The following RNLS variants were observed in gnomAD, a reference collection of about 807,000 sequenced individuals.
RNLS encodes renalase.
A neutral mutation model predicts 39.8 loss-of-function variants in RNLS; 39 were observed. The ratio of observed to expected loss-of-function variants is 0.98; its 90% confidence interval spans 0.76 to 1.28. The LOEUF (loss-of-function observed/expected upper bound fraction) is 1.28. RNLS is among the 50% of genes most tolerant of loss of function. The pLI is 0.00. For missense variants in RNLS, 410 were observed against 413.3 expected, an observed-to-expected ratio of 0.99 and a Z score of 0.07; for synonymous variants, 147 against 150.7, an observed-to-expected ratio of 0.98 and a Z score of 0.18.
chr10:88,561,337 G>A (rs1207480115), intron 4 of RNLS, among the ~76,000 whole-genome samples: 2 of 152,116 alleles, frequency 1.3e-5, no homozygotes. Flanking sequence ...TGAAAACAAT[G>A]ACGATATTGC....
chr10:88,473,981 G>T (rs191955926), intron 4 of RNLS, among the ~76,000 whole-genome samples: 1 of 152,100 alleles, frequency 6.6e-6, no homozygotes, highest in East Asian at 1.9e-4. Context: ...CAATGTTGAT[G>T]GTTTCTTTCA....
the RNLS span, among the ~76,000 whole-genome samples, chr10:88,265,354 A>G: frequency 8.7e-5 from 5 of 57,240 alleles, no homozygotes; most frequent in South Asian, 1.4e-3. Flanking sequence ...TTTTGGTTCC[A>G]TATGAATTTT....
At chr10:88,283,927 T>A (rs548622194), downstream of RNLS, among the ~76,000 whole-genome samples, 27 of 152,236 alleles carry the variant, frequency 1.8e-4, no homozygotes, top group South Asian at 5.6e-3. Context: ...TTTACCTATA[T>A]AACAAACCTG....
chr10:88,175,669 C>A, the RNLS span, among the ~76,000 whole-genome samples: 1 of 152,136 alleles, frequency 6.6e-6, no homozygotes, highest in Non-Finnish European at 1.5e-5. Flanking sequence ...ATCATATGAT[C>A]TATCCTGGAG....
intron 4 of RNLS, among the ~76,000 whole-genome samples, chr10:88,559,815 A>G (rs964581064): frequency 3.9e-5 from 6 of 152,144 alleles, no homozygotes; most frequent in African/African-American, 1.4e-4. Flanking sequence ...ACATTGCACA[A>G]TGGATTAAAC....
At chr10:88,211,706 A>G in the RNLS span, among the ~76,000 whole-genome samples, 1 of 152,298 alleles carries the variant, frequency 6.6e-6, no homozygotes, top group South Asian at 2.1e-4. Flanking sequence ...GGAGCTGAGA[A>G]GGTGGGGAGT....
At chr10:88,235,487 G>T in the RNLS span, among the ~76,000 whole-genome samples, 2 of 151,946 alleles carry the variant, frequency 1.3e-5, no homozygotes, top group East Asian at 1.9e-4. Flanking sequence ...TGTGTTGTGT[G>T]ATTTACATGT....
chr10:88,397,969 C>A (rs750269882), intron 4 of RNLS, among the ~76,000 whole-genome samples: 14 of 151,998 alleles, frequency 9.2e-5, no homozygotes, highest in Non-Finnish European at 1.8e-4. Context: ...GGGACCAAGA[C>A]CACTCAGTGG....
At chr10:88,408,741 T>C (rs2133687993) in intron 4 of RNLS, among the ~76,000 whole-genome samples, 1 of 152,280 alleles carries the variant, frequency 6.6e-6, no homozygotes, top group African/African-American at 2.4e-5. Context: ...TTTAGTAAAT[T>C]ATATTTCTCT....
chr10:88,533,283 C>A (rs1468917698), intron 4 of RNLS, among the ~76,000 whole-genome samples: 11 of 151,950 alleles, frequency 7.2e-5, no homozygotes, highest in Non-Finnish European at 1.6e-4. Flanking sequence ...AGAGCACCAC[C>A]AAGTATTACT....
At chr10:88,214,498 C>CAAAAA in the RNLS span, among the ~76,000 whole-genome samples, 3 of 135,138 alleles carry the variant, frequency 2.2e-5, no homozygotes, top group South Asian at 2.4e-4. Context: ...GACTCCGTCT[C>CAAAAA]AAAAAAAAAA....
intron 4 of RNLS, among the ~76,000 whole-genome samples, chr10:88,498,012 C>A (rs1845270736): frequency 6.6e-6 from 1 of 151,594 alleles, no homozygotes; most frequent in Non-Finnish European, 1.5e-5. Flanking sequence ...AGGCAAGAAT[C>A]AATGGATGCC....
At chr10:88,581,236 CCT>C (rs1850517776) in intron 3 of RNLS, among the ~76,000 whole-genome samples, 1 of 146,802 alleles carries the variant, frequency 6.8e-6, no homozygotes, top group Non-Finnish European at 1.5e-5. Flanking sequence ...AAAATTATTC[CCT>C]TTTATATTTT....
chr10:88,194,399 A>G, the RNLS span, among the ~76,000 whole-genome samples: 2 of 152,172 alleles, frequency 1.3e-5, no homozygotes, highest in Admixed American at 6.5e-5. Flanking sequence ...GGTCTCCCAT[A>G]TTTTCCTCTG....
intron 4 of RNLS, among the ~76,000 whole-genome samples, chr10:88,501,025 G>A (rs1301856799): frequency 6.6e-6 from 1 of 151,584 alleles, no homozygotes; most frequent in African/African-American, 2.4e-5. Flanking sequence ...ATCTCTGTGT[G>A]TGTGTGTGTG....
chr10:88,368,552 T>G (rs1850298124), intron 4 of RNLS, among the ~76,000 whole-genome samples: 1 of 152,106 alleles, frequency 6.6e-6, no homozygotes, highest in African/African-American at 2.4e-5. Context: ...TGTGTTATGT[T>G]TTTTCTCTAA....
At chr10:88,227,649 T>C in the RNLS span, among the ~76,000 whole-genome samples, 3 of 152,228 alleles carry the variant, frequency 2.0e-5, no homozygotes, top group Non-Finnish European at 2.9e-5. Flanking sequence ...AGGCTAGAAC[T>C]TGGGAAAAGA....
At chr10:88,242,033 T>C in the RNLS span, among the ~76,000 whole-genome samples, 1 of 152,214 alleles carries the variant, frequency 6.6e-6, no homozygotes, top group African/African-American at 2.4e-5. Context: ...CAGGAGACCC[T>C]TGATGGAAGG....
intron 4 of RNLS, among the ~76,000 whole-genome samples, chr10:88,459,111 T>G (rs28609673): frequency 6.6e-6 from 1 of 151,774 alleles, no homozygotes; most frequent in Admixed American, 6.6e-5. Flanking sequence ...TTCTTTTTTT[T>G]TTTTTTGATG....
Sources: allele counts gnomAD v4.1 joint callset (sites outside exome capture counted in the v4.1 genomes callset), GRCh38; gene constraint gnomAD v4.1.1; transcripts MANE v1.5; gene names NCBI Gene and HGNC (gene_info 2026-07-23, HGNC 2026-07-21).